Variants in COX10 observed in about 807,000 individuals in gnomAD.
COX10 encodes the protein protoheme IX farnesyltransferase, mitochondrial.
Under a neutral mutation model 37.3 loss-of-function variants are expected in COX10, and 27 were observed. That is an observed-to-expected ratio of 0.72 (90% confidence interval 0.53 to 1.00). The LOEUF (loss-of-function observed/expected upper bound fraction) is 1.00, where lower values mean the gene tolerates loss of function less well. COX10 is among the 50% of genes least tolerant of loss of function. COX10 has a pLI of 0.00. For missense variants in COX10, 475 were observed against 563.2 expected (o/e 0.84, Z 1.59); for synonymous variants, 222 against 229.1 (o/e 0.97, Z 0.28).
intron 4 of COX10, among the ~76,000 whole-genome samples, chr17:14,130,774 G>A (rs1916446117): frequency 6.6e-6 from 1 of 151,768 alleles, no homozygotes; most frequent in Non-Finnish European, 1.5e-5. Context: ...TCTCTCCTTT[G>A]CTTTTGTTTC....
chr17:14,125,124 C>T (rs1002141051), intron 4 of COX10, among the ~76,000 whole-genome samples: 1 of 152,094 alleles, frequency 6.6e-6, no homozygotes, highest in African/African-American at 2.4e-5. Flanking sequence ...TTGTCACTGA[C>T]GAATGCACAT....
chr17:14,202,177 C>T (rs1906563386), intron 6 of COX10, among the ~76,000 whole-genome samples: 1 of 151,328 alleles, frequency 6.6e-6, no homozygotes, highest in Non-Finnish European at 1.5e-5. Flanking sequence ...CCCAACAGTC[C>T]ACTGATGTGG....
chr17:14,168,765 T>A (rs1418477720), intron 5 of COX10, among the ~76,000 whole-genome samples: 1 of 152,186 alleles, frequency 6.6e-6, no homozygotes, highest in South Asian at 2.1e-4. Context: ...GTCCTGAGGC[T>A]GTACAGAACA....
chr17:14,093,876 G>A (rs539304615), intron 3 of COX10, among the ~76,000 whole-genome samples: 7 of 152,302 alleles, frequency 4.6e-5, no homozygotes, highest in Admixed American at 1.3e-4. Context: ...CTGAAAATGA[G>A]TCTTTGTAGT....
At chr17:14,153,724 A>G (rs1904966511) in intron 4 of COX10, among the ~76,000 whole-genome samples, 1 of 152,212 alleles carries the variant, frequency 6.6e-6, no homozygotes, top group Non-Finnish European at 1.5e-5. Context: ...AAACACCTCA[A>G]CTATATGATA....
At chr17:14,076,333 C>T (rs1001169760) in intron 2 of COX10, among the ~76,000 whole-genome samples, 1 of 151,770 alleles carries the variant, frequency 6.6e-6, no homozygotes, top group Non-Finnish European at 1.5e-5. Flanking sequence ...CTCCTAGGCT[C>T]GAGGATCCTG....
chr17:14,168,289 C>G (rs1417226758), intron 5 of COX10, among the ~76,000 whole-genome samples: 1 of 152,244 alleles, frequency 6.6e-6, no homozygotes, highest in Non-Finnish European at 1.5e-5. Context: ...TTGGGCAGTT[C>G]TGCTCCTGTG....
intron 6 of COX10, among the ~76,000 whole-genome samples, chr17:14,198,498 G>A (rs974883475): frequency 6.6e-6 from 1 of 152,196 alleles, no homozygotes; most frequent in Non-Finnish European, 1.5e-5. Context: ...ATCTTGTAGA[G>A]TGGATTTGCA....
intron 4 of COX10, among the ~76,000 whole-genome samples, chr17:14,103,521 A>G (rs1474057315): frequency 6.6e-6 from 1 of 152,164 alleles, no homozygotes; most frequent in East Asian, 1.9e-4. Flanking sequence ...TGTTGATTCA[A>G]AGAAAATGTT....
Position 14,206,897 on chromosome 17 carries a change from G to A in COX10, c.1016G>A (p.Arg339Gln), listed in dbSNP as rs1343335873. The change falls in exon 7 of 7, where the codon CGG becomes CAG. Residue 339 changes from arginine (R) to glutamine (Q), a missense_variant. Around this residue, in one of 5 missense-constraint regions of COX10, gnomAD observed 160 missense variants for 180.6 expected, o/e 0.89. Transcript: ENST00000261643. ...LSWGLREDYSRGGYCMMSVTH... is the reference protein window; with the variant it reads ...LSWGLREDYSQGGYCMMSVTH... Reference sequence around the variant, plus strand: ...TGGGGCCTCCGTGAAGACTACTCCCGGGGCGGCTACTGCATGATGTCGGTC... The same window carrying A: ...TGGGGCCTCCGTGAAGACTACTCCCAGGGCGGCTACTGCATGATGTCGGTC... The A allele has an allele frequency of 1.1e-5, 17 of 1,613,912 alleles. No individual in the cohort carries two copies. The highest frequency in any genetic ancestry group is 1.6e-4 in the Middle Eastern group (1 of 6,062).
rs1419850734 is a variant in COX10, at chr17:14,106,347, G to GATATAT, written c.624+4110_624+4111insTATATA. Among the ~76,000 whole-genome samples the GATATAT allele has an allele frequency of 3.9e-4, 59 of 152,096 alleles. 2 individuals carry two copies. The South Asian group carries it at 0.012, about 32-fold the overall frequency. On this transcript the variant is annotated intron_variant, in intron 4 of 6. Transcript: ENST00000261643. ...AGCATGATTTTAAGAGTTGTATATG[G>GATATAT]ATATACTTTGATTTGTTTAATCAGT...
intron 2 of COX10, among the ~76,000 whole-genome samples, chr17:14,075,020 G>C (rs1192157280): frequency 6.6e-6 from 1 of 152,110 alleles, no homozygotes; most frequent in East Asian, 1.9e-4. Context: ...TGCCAGGAAG[G>C]CCATTTGCAT....
intron 4 of COX10, among the ~76,000 whole-genome samples, chr17:14,129,035 A>G (rs1251475504): frequency 6.6e-6 from 1 of 152,028 alleles, no homozygotes; most frequent in Non-Finnish European, 1.5e-5. Flanking sequence ...AGTAGAGACA[A>G]GGGTTTCACC....
intron 6 of COX10, among the ~76,000 whole-genome samples, chr17:14,195,293 T>G (rs1906335820): frequency 6.6e-6 from 1 of 152,208 alleles, no homozygotes; most frequent in African/African-American, 2.4e-5. Flanking sequence ...TTTAAACAGA[T>G]TTTTATTGCT....
intron 4 of COX10, among the ~76,000 whole-genome samples, chr17:14,149,463 A>G (rs1904826470): frequency 6.6e-6 from 1 of 152,166 alleles, no homozygotes; most frequent in African/African-American, 2.4e-5. Flanking sequence ...AGAAAATAGT[A>G]TATGTGTTTT....
chr17:14,169,434 C>A (rs1159393130), intron 5 of COX10, among the ~76,000 whole-genome samples: 1 of 152,198 alleles, frequency 6.6e-6, no homozygotes, highest in East Asian at 1.9e-4. Flanking sequence ...TTACCCAGCT[C>A]CAAAGTTGCT....
intron 4 of COX10, among the ~76,000 whole-genome samples, chr17:14,145,051 A>G (rs1804939018): frequency 6.6e-6 from 1 of 152,096 alleles, no homozygotes; most frequent in Non-Finnish European, 1.5e-5. Context: ...GTAATCCTAA[A>G]GTTAGGAGAG....
intron 4 of COX10, among the ~76,000 whole-genome samples, chr17:14,123,078 C>T (rs1205571775): frequency 6.6e-6 from 1 of 152,162 alleles, no homozygotes; most frequent in African/African-American, 2.4e-5. Context: ...TTACAGTTTA[C>T]AGTGCTATTT....
At chr17:14,172,972 C>A (rs1905529795) in intron 5 of COX10, among the ~76,000 whole-genome samples, 1 of 152,176 alleles carries the variant, frequency 6.6e-6, no homozygotes, top group Admixed American at 6.5e-5. Context: ...GGATTACAGG[C>A]ATGAGCCACC....
Sources: allele counts gnomAD v4.1 joint callset (sites outside exome capture counted in the v4.1 genomes callset), GRCh38; gene constraint gnomAD v4.1.1; regional missense constraint gnomAD v4.1.1; transcripts MANE v1.5; gene names NCBI Gene and HGNC (gene_info 2026-07-23, HGNC 2026-07-21).